The following CAPN2 variants were observed in gnomAD, a reference collection of about 807,000 sequenced individuals.
CAPN2 encodes the protein calpain-2 catalytic subunit.
In CAPN2, 92 loss-of-function variants were observed where a neutral mutation model predicts 102.3. The observed-to-expected ratio is 0.90, with a 90% confidence interval of 0.76 to 1.07. CAPN2 has a LOEUF of 1.07. Among genes scored for constraint, CAPN2 ranks in the 50% least tolerant of loss-of-function variants. The pLI is 0.00. For missense variants in CAPN2, 800 were observed against 909.4 expected (o/e 0.88, Z 1.55); for synonymous variants, 340 against 355.4 (o/e 0.96, Z 0.49).
intron 2 of CAPN2, among the ~76,000 whole-genome samples, chr1:223,742,812 C>T (rs952588694): frequency 3.9e-5 from 6 of 152,304 alleles, no homozygotes; most frequent in African/African-American, 1.2e-4. Context: ...TGAGCCGCTG[C>T]GCCTAGTCTT....
chr1:223,746,190 C>G (rs184885902), intron 4 of CAPN2, among the ~76,000 whole-genome samples: 15 of 152,330 alleles, frequency 9.8e-5, no homozygotes, highest in Admixed American at 8.5e-4. Context: ...CTGTGAGAAC[C>G]TGGAGCCTGA....
chr1:223,753,361 G>C lies in CAPN2; in HGVS notation c.1135+405G>C, dbSNP rs188047957. Among the ~76,000 whole-genome samples the C allele has an allele frequency of 2.0e-5, 3 of 152,342 alleles. 1 individual carries two copies. In the East Asian group the frequency reaches 5.8e-4, roughly 29 times the overall value. On this transcript the variant is annotated intron_variant, in intron 9 of 20. Transcript: ENST00000295006. ...GCAGCCGAGCCTACAAGGGAACCTTGTCCCGGCACCCAGGGAGCCCTCCAC... is the reference window on the plus strand; with the variant it reads ...GCAGCCGAGCCTACAAGGGAACCTTCTCCCGGCACCCAGGGAGCCCTCCAC...
At chr1:223,714,391 C>A (rs1659822184) in intron 1 of CAPN2, among the ~76,000 whole-genome samples, 1 of 152,086 alleles carries the variant, frequency 6.6e-6, no homozygotes, top group Non-Finnish European at 1.5e-5. Flanking sequence ...GTCCTGAGAG[C>A]TCAGGAGATA....
exon 1 of CAPN2, chr1:223,701,813 G>A (rs4511081): frequency 0.11 from 16,099 of 152,208 alleles, 1,003 homozygotes; most frequent in South Asian, 0.15. Context: ...AGGAGTTCAA[G>A]ACCAGCCTGG....
At position 223,766,428 on chromosome 1, in the gene CAPN2, A is replaced by G; in HGVS notation, c.1752A>G (p.Leu584=). 1.2e-6 allele frequency: 2 copies of G among 1,609,708 alleles called. No individual in the cohort carries two copies. Among genetic ancestry groups the G allele is most frequent in the Non-Finnish European group, 1.7e-6 (2 of 1,175,926 alleles). Residue 584 remains leucine (L), a synonymous_variant, in exon 16 of 21, where the codon CTA becomes CTG. Transcript: ENST00000295006. ...IETCKIMVDM[L]DSDGSGKLGL... is the part of the protein sequence containing the mutation. Reference sequence around the variant, plus strand: ...CATGCAAAATTATGGTTGACATGCTAGATGTATCCTTTAATGTGCTCCAGG... The same window carrying G: ...CATGCAAAATTATGGTTGACATGCTGGATGTATCCTTTAATGTGCTCCAGG...
upstream of CAPN2, among the ~76,000 whole-genome samples, chr1:223,707,680 A>G (rs1200218368): frequency 6.6e-6 from 1 of 152,210 alleles, no homozygotes; most frequent in Non-Finnish European, 1.5e-5. Context: ...GATCCCTAGA[A>G]GGCTGGCAAG....
chr1:223,764,423 A>G (rs561606182), intron 15 of CAPN2, among the ~76,000 whole-genome samples: 3 of 152,302 alleles, frequency 2.0e-5, no homozygotes, highest in African/African-American at 7.2e-5. Flanking sequence ...TTTCCACTAC[A>G]TACTAGCTTT....
Position 223,717,837 on chromosome 1 carries a change from T to A in CAPN2, c.307+6T>A. On this transcript the variant is annotated splice_donor_region_variant and intron_variant, in intron 2 of 20. Transcript: ENST00000295006. ...CATCTGCCAAGGAGCCCTGGGTAAG[T>A]GATAGATTCAGAGCAAGCTGGGGGA... The A allele has an allele frequency of 6.2e-7, 1 of 1,610,216 alleles. No individual in the cohort carries two copies. Among genetic ancestry groups the A allele is most frequent in the Non-Finnish European group, 8.5e-7 (1 of 1,176,488 alleles).
chr1:223,712,054 G>T (rs553718533), upstream of CAPN2, among the ~76,000 whole-genome samples: 35 of 152,324 alleles, frequency 2.3e-4, no homozygotes, highest in Non-Finnish European at 3.2e-4. Flanking sequence ...CGTCTCCGAG[G>T]CTCAGTTTTC....
At chr1:223,724,354 G>A (rs540434744) in intron 2 of CAPN2, among the ~76,000 whole-genome samples, 1 of 152,216 alleles carries the variant, frequency 6.6e-6, no homozygotes, top group Non-Finnish European at 1.5e-5. Flanking sequence ...AGGAGGAGGT[G>A]GCCTGGCCAG....
chr1:223,709,636 G>A (rs1031371549), upstream of CAPN2, among the ~76,000 whole-genome samples: 3 of 149,372 alleles, frequency 2.0e-5, no homozygotes, highest in Admixed American at 2.0e-4. Flanking sequence ...CTCCAGCCTG[G>A]GCCAACAAGA....
chr1:223,770,598 C>A, intron 18 of CAPN2, 73 bp downstream of exon 18: 1 of 962,788 alleles, frequency 1.0e-6, no homozygotes. Context: ...CATCTTATAC[C>A]ATATAACACA....
chr1:223,773,223 C>G (rs555287847), intron 20 of CAPN2: 7 of 152,276 alleles, frequency 4.6e-5, no homozygotes, highest in South Asian at 2.1e-4. Flanking sequence ...AATATCTCTA[C>G]CCCTAGATTG....
intron 2 of CAPN2, among the ~76,000 whole-genome samples, chr1:223,728,786 G>A (rs1051903585): frequency 6.6e-6 from 1 of 152,172 alleles, no homozygotes; most frequent in Admixed American, 6.5e-5. Context: ...CACAAGCTGG[G>A]CTGATGTGCC....
At chr1:223,771,697 A>G in intron 18 of CAPN2, 112 bp from the exon 19 acceptor site, 1 of 748,806 alleles carries the variant, frequency 1.3e-6, no homozygotes, top group Admixed American at 2.0e-5. Flanking sequence ...GCCAAGGGAC[A>G]AAAGCAATTA....
upstream of CAPN2, chr1:223,712,356 T>G: frequency 1.3e-6 from 1 of 768,278 alleles, no homozygotes. Flanking sequence ...GGCCGCGCCA[T>G]CCCGGGAGCT....
intron 4 of CAPN2, among the ~76,000 whole-genome samples, chr1:223,745,866 A>T (rs1660739394): frequency 6.6e-6 from 1 of 152,258 alleles, no homozygotes; most frequent in Non-Finnish European, 1.5e-5. Flanking sequence ...GTATCAACTT[A>T]AAAAAGCAGA....
chr1:223,765,287 C>T lies in CAPN2; in HGVS notation c.1690+1080C>T, dbSNP rs570176724. ...GTCCAGGGCCAGCTGGGTCTTCCCTCCCAGTGTGAACCAAGAGGGCTGGGC... is the reference window on the plus strand; with the variant it reads ...GTCCAGGGCCAGCTGGGTCTTCCCTTCCAGTGTGAACCAAGAGGGCTGGGC... On this transcript the variant is annotated intron_variant, in intron 15 of 20. Coordinates refer to ENST00000295006, the MANE Select transcript of CAPN2 (RefSeq NM_001748.5). Among the ~76,000 whole-genome samples, 49 of 152,344 alleles carry T rather than the reference C, an allele frequency of 3.2e-4. 1 individual carries two copies. Among genetic ancestry groups the T allele is most frequent in the Admixed American group, 8.5e-4 (13 of 15,310 alleles).
chr1:223,768,353 GAATTGATTTTTGTATA>G (rs1402795060), intron 16 of CAPN2, among the ~76,000 whole-genome samples: 1 of 150,558 alleles, frequency 6.6e-6, no homozygotes, highest in Admixed American at 6.6e-5. Flanking sequence ...AATCCATCTT[GAATTGATTTTTGTATA>G]AGGTGTAAGG....
Sources: gnomAD v4.1 joint callset for allele counts (sites outside exome capture counted in the v4.1 genomes callset) on GRCh38, gnomAD v4.1.1 for gene constraint, MANE v1.5 for transcripts, NCBI Gene and HGNC (gene_info 2026-07-23, HGNC 2026-07-21) for gene names.